The following TADA2A variants were observed in gnomAD, a reference collection of about 807,000 sequenced individuals.
The protein encoded by TADA2A is transcriptional adaptor 2A, also known as transcriptional adapter 2-alpha.
Under a neutral mutation model 67.4 loss-of-function variants are expected in TADA2A, and 38 were observed. The ratio of observed to expected loss-of-function variants is 0.56; its 90% CI spans 0.44 to 0.74. The LOEUF (loss-of-function observed/expected upper bound fraction) is 0.74, where lower values mean the gene tolerates loss of function less well. Among genes scored for constraint, TADA2A ranks in the 30% least tolerant of loss-of-function variants. The probability of loss-of-function intolerance (pLI) is 0.00; values close to 1 mark genes in which losing one functional copy is unlikely to be tolerated. For missense variants in TADA2A, 454 were observed against 547.0 expected (o/e 0.83, Z 1.70); for synonymous variants, 192 against 181.6 (o/e 1.06, Z -0.46).
At chr17:37,407,107 CCGGCGGGCGGGCAG>C in intron 1 of TADA2A, 158 bp downstream of exon 1, 1 of 139,498 alleles carries the variant, frequency 7.2e-6, no homozygotes, top group South Asian at 1.9e-4. Context: ...GGCTGGCGGG[CCGGCGGGCGGGCAG>C]CGGCGGGCCT....
chr17:37,422,891 C>T (rs2052288924), intron 2 of TADA2A, among the ~76,000 whole-genome samples: 1 of 152,120 alleles, frequency 6.6e-6, no homozygotes, highest in African/African-American at 2.4e-5. Context: ...AGGTATGTGT[C>T]CATTTTATGC....
intron 4 of TADA2A, among the ~76,000 whole-genome samples, chr17:37,436,148 A>G (rs1451952799): frequency 1.3e-5 from 2 of 152,110 alleles, no homozygotes; most frequent in Non-Finnish European, 2.9e-5. Context: ...ACATATACAC[A>G]TACACTAATC....
intron 1 of TADA2A, among the ~76,000 whole-genome samples, chr17:37,410,321 G>C (rs189094459): frequency 2.2e-4 from 34 of 151,138 alleles, no homozygotes; most frequent in Non-Finnish European, 4.4e-4. Context: ...CATAAGCATG[G>C]GCCACTGTAC....
At chr17:37,409,002 A>G (rs11871275) in intron 1 of TADA2A, among the ~76,000 whole-genome samples, 2 of 152,108 alleles carry the variant, frequency 1.3e-5, no homozygotes, top group African/African-American at 2.4e-5. Flanking sequence ...TTAGTCCACT[A>G]CTATGTGTTT....
At chr17:37,450,794 G>T (rs899703503) in intron 8 of TADA2A, 1 of 152,334 alleles carries the variant, frequency 6.6e-6, no homozygotes, top group Non-Finnish European at 1.5e-5. Flanking sequence ...TCTGCCTGCT[G>T]TGCTGTTGTC....
chr17:37,409,031 G>T (rs1234869305), intron 1 of TADA2A, among the ~76,000 whole-genome samples: 1 of 152,124 alleles, frequency 6.6e-6, no homozygotes, highest in African/African-American at 2.4e-5. Flanking sequence ...CCTCCTGTAT[G>T]CTTGGCATTT....
intron 14 of TADA2A, among the ~76,000 whole-genome samples, chr17:37,471,998 G>A (rs145085845): frequency 6.4e-4 from 98 of 152,044 alleles, no homozygotes; most frequent in Non-Finnish European, 1.2e-3. Context: ...ATTGGTAATC[G>A]ATGACTGGGA....
chr17:37,419,580 A>G (rs1449931349), intron 2 of TADA2A, among the ~76,000 whole-genome samples: 2 of 146,090 alleles, frequency 1.4e-5, no homozygotes. Flanking sequence ...GGAGTTCAAG[A>G]CCAGCCTGGG....
intron 8 of TADA2A, among the ~76,000 whole-genome samples, chr17:37,457,649 A>G (rs1015493039): frequency 3.3e-5 from 5 of 151,488 alleles, no homozygotes; most frequent in African/African-American, 1.2e-4. Context: ...GGTAACTGCT[A>G]TCATGCCCAG....
intron 2 of TADA2A, among the ~76,000 whole-genome samples, chr17:37,421,137 A>G (rs1236646285): frequency 1.4e-5 from 2 of 146,494 alleles, no homozygotes; most frequent in Admixed American, 1.4e-4. Context: ...GCTCATGCCT[A>G]TAATTCCACC....
At chr17:37,423,688 C>A in intron 3 of TADA2A, 73 bp downstream of exon 3, 1 of 1,086,288 alleles carries the variant, frequency 9.2e-7, no homozygotes, top group South Asian at 1.4e-5. Flanking sequence ...TCGGAGATTA[C>A]TGTCAACTGC....
At chr17:37,438,891 C>G (rs1165700459) in intron 5 of TADA2A, among the ~76,000 whole-genome samples, 3 of 152,082 alleles carry the variant, frequency 2.0e-5, no homozygotes, top group African/African-American at 7.2e-5. Flanking sequence ...GGGTAAGGCA[C>G]TAAGTTTGGC....
intron 8 of TADA2A, among the ~76,000 whole-genome samples, chr17:37,448,561 T>C (rs1201765420): frequency 2.6e-5 from 4 of 152,192 alleles, no homozygotes; most frequent in African/African-American, 9.7e-5. Flanking sequence ...ACATGCTTAG[T>C]GTAGTTCCTT....
In TADA2A at chr17:37,419,002, G is replaced by A. The variant is rs1459935326; in HGVS notation, c.26-4507G>A. Reference sequence around the variant, plus strand: ...TGCCTTTTCCTCCCAAAGTGCTGGGGTTACAGGCATGACCCACAGAGCCCA... The same window carrying A: ...TGCCTTTTCCTCCCAAAGTGCTGGGATTACAGGCATGACCCACAGAGCCCA... On this transcript the variant is annotated intron_variant, in intron 2 of 15. Transcript: ENST00000615182. Among the ~76,000 whole-genome samples the A allele has an allele frequency of 1.6e-4, 23 of 145,550 alleles. 3 individuals are homozygous for A. The highest frequency in any genetic ancestry group is 4.2e-4 in the Admixed American group (6 of 14,374).
chr17:37,444,908 T>G lies in TADA2A; in HGVS notation c.604+140T>G, dbSNP rs961140245. 9.0e-6 allele frequency: 7 copies of G among 777,140 alleles called. No homozygotes were observed. The Admixed American group carries it at 1.8e-4, about 20-fold the overall frequency. 48.1% of individuals were successfully genotyped at this position (777,140 alleles called of 1,614,324 possible). A position where few individuals can be genotyped will look rare whatever the true frequency, so the allele number is the denominator to read the frequency against. On this transcript the variant is annotated intron_variant, in intron 8 of 15. Coordinates refer to ENST00000615182, the MANE Select transcript of TADA2A (RefSeq NM_001166105.3). ...AAATCTAGTGGTTAAGTTGCTGAAC[T>G]TACTGTGTTGTTGGATTTTGACCAC... is the stretch of plus-strand genomic sequence containing the variant.
At chr17:37,431,842 A>C (rs2052577705) in intron 4 of TADA2A, among the ~76,000 whole-genome samples, 1 of 152,152 alleles carries the variant, frequency 6.6e-6, no homozygotes, top group Non-Finnish European at 1.5e-5. Flanking sequence ...CTGGGATGAC[A>C]AGCGTGAGCT....
At chr17:37,410,705 A>G (rs939395427) in intron 1 of TADA2A, among the ~76,000 whole-genome samples, 4 of 152,208 alleles carry the variant, frequency 2.6e-5, no homozygotes, top group African/African-American at 9.6e-5. Flanking sequence ...TCTAGTGAAT[A>G]ACTAAGCTCC....
intron 2 of TADA2A, among the ~76,000 whole-genome samples, chr17:37,414,734 G>A (rs2051987667): frequency 1.3e-5 from 2 of 152,016 alleles, no homozygotes; most frequent in African/African-American, 4.8e-5. Flanking sequence ...TCTCTACTCA[G>A]TGAGAACCCT....
rs564373505 is a variant in TADA2A at position 37,412,916 on chromosome 17, G to T, written c.25+1526G>T. ...ATCAGAAAAGTACTTTTTGGGTGTT[G>T]TTTCCTCTTCAACAATTCGTGTTTT... On this transcript the variant is annotated intron_variant, in intron 2 of 15. Transcript: ENST00000615182. Among the ~76,000 whole-genome samples the T allele has an allele frequency of 5.9e-5, 9 of 152,104 alleles. No individual in the cohort carries two copies. The South Asian group carries it at 1.9e-3, about 32-fold the overall frequency.
Sources: gnomAD v4.1 joint callset for allele counts (sites outside exome capture counted in the v4.1 genomes callset) on GRCh38, gnomAD v4.1.1 for gene constraint, MANE v1.5 for transcripts, NCBI Gene and HGNC (gene_info 2026-07-23, HGNC 2026-07-21) for gene names.